Variants in SLX9 observed in about 807,000 individuals in gnomAD.
SLX9 encodes ribosome biogenesis protein SLX9 homolog.
Under a neutral mutation model 20.8 loss-of-function variants are expected in SLX9, and 19 were observed. The observed-to-expected ratio is 0.91, with a 90% CI of 0.64 to 1.34. The LOEUF (loss-of-function observed/expected upper bound fraction) is 1.34. SLX9 is among the 40% of genes most tolerant of loss of function. The pLI is 0.00. For missense variants in SLX9, 299 were observed against 322.2 expected, an observed-to-expected ratio of 0.93 and a Z score of 0.55; for synonymous variants, 113 against 137.1, an observed-to-expected ratio of 0.82 and a Z score of 1.23.
intron 2 of SLX9, among the ~76,000 whole-genome samples, chr21:44,953,456 G>A (rs1454400131): frequency 6.6e-6 from 1 of 152,150 alleles, no homozygotes; most frequent in Non-Finnish European, 1.5e-5. Context: ...CGGCGGTGGG[G>A]CCCTGCGTCC....
rs565573231 is a variant in SLX9 at position 44,972,003 on chromosome 21, C to T, written c.501-1194C>T. Reference sequence around the variant, plus strand: ...GGGACTGATTCCTTCCCCAGATCAGCGCAGAGCTAGGGTTAAAAGAAAGCG... The same window carrying T: ...GGGACTGATTCCTTCCCCAGATCAGTGCAGAGCTAGGGTTAAAAGAAAGCG... On this transcript the variant is annotated intron_variant, in intron 4 of 5. Transcript: ENST00000291634. Among the ~76,000 whole-genome samples, 22 of 152,254 alleles carry T rather than the reference C, an allele frequency of 1.4e-4. No individual in the cohort carries two copies. The South Asian group carries it at 3.7e-3, about 26-fold the overall frequency.
intron 4 of SLX9, among the ~76,000 whole-genome samples, chr21:44,972,169 T>C (rs1305923226): frequency 6.6e-6 from 1 of 152,146 alleles, no homozygotes; most frequent in African/African-American, 2.4e-5. Flanking sequence ...CTTCCCGCCG[T>C]CGTCTGGGTC....
chr21:44,969,114 CAG>C, intron 4 of SLX9: 2 of 462,974 alleles, frequency 4.3e-6, no homozygotes, highest in Non-Finnish European at 9.0e-6. Flanking sequence ...GGGCAGAAAG[CAG>C]GGGCTGTGTG....
At chr21:44,954,495 G>A (rs1601392770) in intron 2 of SLX9, among the ~76,000 whole-genome samples, 1 of 152,180 alleles carries the variant, frequency 6.6e-6, no homozygotes, top group African/African-American at 2.4e-5. Context: ...CGGCAGGTTT[G>A]TCTGTGGTTT....
At chr21:44,943,869 T>C (rs767058573) in intron 2 of SLX9, 32 bp downstream of exon 2, 216 of 1,613,494 alleles carry the variant, frequency 1.3e-4, no homozygotes, top group Non-Finnish European at 1.7e-4. Flanking sequence ...ACCATGCTGA[T>C]ACCCAGCAGG....
intron 2 of SLX9, among the ~76,000 whole-genome samples, chr21:44,956,579 C>T (rs1007732452): frequency 1.2e-4 from 18 of 152,180 alleles, no homozygotes; most frequent in Admixed American, 3.3e-4. Context: ...CACCCGAGCC[C>T]GAGATGAAGC....
chr21:44,958,571 G>C (rs1004256464), intron 2 of SLX9: 1 of 152,366 alleles, frequency 6.6e-6, no homozygotes, highest in Non-Finnish European at 1.5e-5. Context: ...TCCGTAGCCC[G>C]CGGCACCGAC....
At chr21:44,944,523 A>T (rs752299125) in intron 2 of SLX9, among the ~76,000 whole-genome samples, 10 of 152,152 alleles carry the variant, frequency 6.6e-5, no homozygotes, top group Non-Finnish European at 1.3e-4. Flanking sequence ...TGGCTGGAGG[A>T]TGGTGAGCAG....
At chr21:44,955,220 A>AG (rs912570978) in intron 2 of SLX9, among the ~76,000 whole-genome samples, 1 of 150,732 alleles carries the variant, frequency 6.6e-6, no homozygotes, top group Non-Finnish European at 1.5e-5. Context: ...AAAAAAAAAA[A>AG]AAGAAGTAAG....
At chr21:44,974,095 C>T (rs527752725) in intron 5 of SLX9, among the ~76,000 whole-genome samples, 11 of 152,366 alleles carry the variant, frequency 7.2e-5, no homozygotes, top group African/African-American at 2.4e-4. Context: ...AGACCACGCA[C>T]GCTCTCTTGC....
At chr21:44,939,895 G>C, upstream of SLX9, 1 of 676,188 alleles carries the variant, frequency 1.5e-6, no homozygotes, top group South Asian at 2.2e-5. Context: ...GCGGAGCGCC[G>C]CCACCCTACA....
intron 2 of SLX9, among the ~76,000 whole-genome samples, chr21:44,951,880 G>GCCTTTGTGGGCCGTGCAAGTCT (rs2084764299): frequency 6.7e-6 from 1 of 149,666 alleles, no homozygotes; most frequent in African/African-American, 2.6e-5. Context: ...GTCGTGTGTG[G>GCCTTTGTGGGCCGTGCAAGTCT]GTTTATCCTC....
At position 44,960,759 on chromosome 21, in the gene SLX9, G is replaced by A. The variant is rs146248834; in HGVS notation, c.352+591G>A. 7.8e-3 allele frequency among the ~76,000 whole-genome samples: 1,181 copies of A among 152,306 alleles called. 22 individuals carry two copies. The highest frequency in any genetic ancestry group is 0.025 in the African/African-American group (1,057 of 41,568). ...CACGTGCTCCCAGCTGCACGTCTCC[G>A]CAGGCTGAAAGCCACACTTCCCACT... On this transcript the variant is annotated intron_variant, in intron 3 of 5. Transcript: ENST00000291634.
chr21:44,947,172 AC>A (rs1568929380), intron 2 of SLX9, among the ~76,000 whole-genome samples: 2 of 150,634 alleles, frequency 1.3e-5, no homozygotes, highest in Non-Finnish European at 3.0e-5. Context: ...CCCCCACCCC[AC>A]CCCGGGTTTG....
intron 2 of SLX9, among the ~76,000 whole-genome samples, chr21:44,957,024 T>C (rs1224353432): frequency 6.6e-6 from 1 of 152,230 alleles, no homozygotes; most frequent in African/African-American, 2.4e-5. Context: ...GGGCCCTGGC[T>C]CCTGCGCGGC....
At chr21:44,959,846 G>C (rs143429658) in intron 2 of SLX9, among the ~76,000 whole-genome samples, 1 of 152,184 alleles carries the variant, frequency 6.6e-6, no homozygotes, top group East Asian at 1.9e-4. Context: ...CCTGCTTTCC[G>C]GGGCAGGCTG....
chr21:44,939,931 C>T, upstream of SLX9: 2 of 1,034,040 alleles, frequency 1.9e-6, no homozygotes, highest in Non-Finnish European at 2.6e-6. Flanking sequence ...CCGCCCGAGC[C>T]GCTTCCGGGT....
In SLX9 at chr21:44,943,814, GGA is replaced by G. The variant is rs750557151; in HGVS notation, c.262_263del (p.Ser88ArgfsTer25). 1.9e-6 allele frequency: 3 copies of G among 1,612,804 alleles called. No homozygotes were observed. The African/African-American group carries it at 4.0e-5, about 22-fold the overall frequency. ...AGAGGTGAGGCAGGCTCGAGTGCAC[GGA>G]GCGTCCCTTCCATCAGGAGAGGTGA... On this transcript the variant is annotated frameshift_variant, in exon 2 of 6. Coordinates refer to ENST00000291634, the MANE Select transcript of SLX9 (RefSeq NM_058190.4). LOFTEE classifies it high-confidence loss of function.
At chr21:44,960,307 C>T (rs985801335) in intron 3 of SLX9, 139 bp downstream of exon 3, 2 of 794,512 alleles carry the variant, frequency 2.5e-6, no homozygotes, top group African/African-American at 3.4e-5. Context: ...ACCCAAGACA[C>T]TTCAGAGGCT....
Sources: gnomAD v4.1 joint callset for allele counts (sites outside exome capture counted in the v4.1 genomes callset) on GRCh38, gnomAD v4.1.1 for gene constraint, MANE v1.5 for transcripts, NCBI Gene and HGNC (gene_info 2026-07-23, HGNC 2026-07-21) for gene names.